The following ANK2 variants were observed in gnomAD, a reference collection of about 807,000 sequenced individuals.
ANK2 encodes ankyrin-2.
Under a neutral mutation model 360.5 loss-of-function variants are expected in ANK2, and 83 were observed. The ratio of observed to expected loss-of-function variants is 0.23; its 90% CI spans 0.19 to 0.28. The LOEUF is 0.28. ANK2 is among the 10% of genes least tolerant of loss of function. The pLI is 1.00. For synonymous variants in ANK2, 1,740 were observed against 1,759.5 expected (o/e 0.99, Z 0.28); for missense variants, 4,201 against 4,795.7 (o/e 0.88, Z 3.66).
At chr4:112,963,856 A>G (rs1429753322) in intron 2 of ANK2, among the ~76,000 whole-genome samples, 1 of 152,032 alleles carries the variant, frequency 6.6e-6, no homozygotes, top group Non-Finnish European at 1.5e-5. Context: ...ACACCAACAT[A>G]CTAAGAGAAT....
chr4:112,943,752 A>G (rs939004542), intron 2 of ANK2, among the ~76,000 whole-genome samples: 7 of 152,248 alleles, frequency 4.6e-5, no homozygotes, highest in African/African-American at 1.7e-4. Context: ...TCGAGCCTAC[A>G]TTGTTTTTCT....
the ANK2 span, among the ~76,000 whole-genome samples, chr4:112,810,831 G>A: frequency 1.3e-5 from 2 of 152,058 alleles, no homozygotes; most frequent in Non-Finnish European, 2.9e-5. Context: ...GATTATAGGC[G>A]TGAGTCACCA....
chr4:113,306,910 C>G (rs2153808610), intron 23 of ANK2, among the ~76,000 whole-genome samples: 1 of 152,302 alleles, frequency 6.6e-6, no homozygotes, highest in East Asian at 1.9e-4. Flanking sequence ...GGAATTCAGT[C>G]TAACAGAATT....
the ANK2 span, among the ~76,000 whole-genome samples, chr4:112,705,955 A>G: frequency 2.7e-5 from 4 of 150,170 alleles, no homozygotes; most frequent in African/African-American, 9.8e-5. Context: ...CGCGGGAGGG[A>G]CTTCGGCTGG....
In ANK2 at chr4:113,358,418, C is replaced by T. The variant is rs1060501156; in HGVS notation, c.9800C>T (p.Ser3267Leu). The stretch of plus-strand genomic sequence containing the variant: ...TCCACACTCACCAGGTCTGTTTATT[C>T]AGATAGGGGTGATGATTCTCCCGAT... ...DFSTLTRSVY[S>L]DRGDDSPDSS... The change falls in exon 38 of 46, where the codon TCA (serine) becomes TTA (leucine). Residue 3267 changes from serine (S) to leucine (L), a missense_variant. Around this residue, in one of 4 missense-constraint regions of ANK2, gnomAD observed 2,642 missense variants for 2,714.5 expected, o/e 0.97. Coordinates refer to ENST00000357077, the MANE Select transcript of ANK2 (RefSeq NM_001148.6). The T allele has an allele frequency of 6.2e-7, 1 of 1,614,066 alleles. No homozygotes were observed. Among genetic ancestry groups the T allele is most frequent in the Non-Finnish European group, 8.5e-7 (1 of 1,179,956 alleles).
chr4:113,356,294 C>T lies in ANK2; in HGVS notation c.7676C>T (p.Thr2559Ile). 6.2e-7 allele frequency: 1 copy of T among 1,614,118 alleles called. No individual in the cohort carries two copies. The highest frequency in any genetic ancestry group is 8.5e-7 in the Non-Finnish European group (1 of 1,180,004). The change falls in exon 38 of 46, where the codon ACA (threonine) becomes ATA (isoleucine). Residue 2559 changes from threonine (T) to isoleucine (I), a missense_variant. Transcript: ENST00000357077. ...EVTPKTTDVS[T>I]PKPAVIHECA... Reference sequence around the variant, plus strand: ...ACACCCAAAACCACAGATGTAAGTACACCAAAACCAGCTGTGATTCATGAA... The same window carrying T: ...ACACCCAAAACCACAGATGTAAGTATACCAAAACCAGCTGTGATTCATGAA...
At chr4:113,341,183 T>C (rs376916967) in intron 32 of ANK2, among the ~76,000 whole-genome samples, 2 of 152,194 alleles carry the variant, frequency 1.3e-5, no homozygotes, top group East Asian at 3.8e-4. Flanking sequence ...ACTTTGGTGA[T>C]TAGAGTTCCA....
At chr4:112,878,250 C>T (rs543901661) in intron 1 of ANK2, among the ~76,000 whole-genome samples, 3 of 152,100 alleles carry the variant, frequency 2.0e-5, no homozygotes, top group East Asian at 3.9e-4. Flanking sequence ...ATGTTCAAAA[C>T]CAAACTCATT....
At chr4:113,196,231 C>A in intron 2 of ANK2, 137 bp from the exon 3 acceptor site, 1 of 680,948 alleles carries the variant, frequency 1.5e-6, no homozygotes. Flanking sequence ...TTAATAGATT[C>A]AAGATTCTAA....
chr4:113,090,726 G>T (rs1259545862), intron 1 of ANK2, among the ~76,000 whole-genome samples: 3 of 152,178 alleles, frequency 2.0e-5, no homozygotes, highest in Non-Finnish European at 2.9e-5. Context: ...TTAAATTCTA[G>T]CTTCGTGATA....
chr4:113,243,601 T>C (rs2041215706), intron 9 of ANK2, among the ~76,000 whole-genome samples: 1 of 152,184 alleles, frequency 6.6e-6, no homozygotes, highest in South Asian at 2.1e-4. Context: ...TTTTATATGG[T>C]TTCTACTTTT....
At chr4:113,254,660 TAA>T (rs1334795025) in intron 10 of ANK2, among the ~76,000 whole-genome samples, 1 of 152,252 alleles carries the variant, frequency 6.6e-6, no homozygotes, top group Non-Finnish European at 1.5e-5. Flanking sequence ...GAATAATTTA[TAA>T]GTCACATATA....
chr4:113,166,607 G>GT (rs1337883125), intron 1 of ANK2, among the ~76,000 whole-genome samples: 2 of 151,120 alleles, frequency 1.3e-5, no homozygotes, highest in Non-Finnish European at 3.0e-5. Flanking sequence ...TGTTTTTTTG[G>GT]TTTTTTTCTT....
In ANK2 at chr4:112,855,804, T is replaced by C. The variant is rs530695421; in HGVS notation, c.-40+37540T>C. On this transcript the variant is annotated intron_variant, in intron 1 of 30. Transcript: ENST00000503271. ...GTCCATGTCTGGATATGGCTTGATG[T>C]GATGGGGCAGCGTTACCTGGAATGT... 2.6e-5 allele frequency among the ~76,000 whole-genome samples: 4 copies of C among 152,304 alleles called. No homozygotes were observed. The East Asian group carries it at 7.7e-4, about 29-fold the overall frequency.
chr4:112,960,444 G>C (rs1053756713), intron 2 of ANK2, among the ~76,000 whole-genome samples: 3 of 151,678 alleles, frequency 2.0e-5, no homozygotes, highest in African/African-American at 7.3e-5. Flanking sequence ...CATATAAAAA[G>C]TTTCTATTTC....
At chr4:113,174,321 T>A (rs1299861477) in intron 1 of ANK2, 95 bp from the exon 2 acceptor site, 1 of 1,053,454 alleles carries the variant, frequency 9.5e-7, no homozygotes, top group Non-Finnish European at 1.4e-6. Flanking sequence ...CAACTAAAGC[T>A]TTTCTGACTT....
chr4:113,073,395 TAAA>T (rs1190523125), intron 1 of ANK2, among the ~76,000 whole-genome samples: 1 of 152,004 alleles, frequency 6.6e-6, no homozygotes, highest in Non-Finnish European at 1.5e-5. Flanking sequence ...TTCTACTAAA[TAAA>T]AAAAGAACAC....
At chr4:112,895,823 A>G (rs191881690) in intron 1 of ANK2, among the ~76,000 whole-genome samples, 4 of 152,350 alleles carry the variant, frequency 2.6e-5, no homozygotes, top group African/African-American at 9.6e-5. Flanking sequence ...ATCAGAACAA[A>G]AGCAGCTCAA....
Position 113,158,501 on chromosome 4 carries a change from G to GA in ANK2, c.85-15906dup, listed in dbSNP as rs201376958. ...AATATATCCTATGATTATCATATGT[G>GA]AAAAAAAAATAAACCAAATCAAAGT... On this transcript the variant is annotated intron_variant, in intron 1 of 45. Coordinates refer to ENST00000357077, the MANE Select transcript of ANK2 (RefSeq NM_001148.6). 7.7e-3 allele frequency among the ~76,000 whole-genome samples: 1,156 copies of GA among 149,696 alleles called. 11 individuals carry two copies. The highest frequency in any genetic ancestry group is 0.013 in the African/African-American group (538 of 40,742).
Sources: allele counts gnomAD v4.1 joint callset (sites outside exome capture counted in the v4.1 genomes callset), GRCh38; gene constraint gnomAD v4.1.1; regional missense constraint gnomAD v4.1.1; transcripts MANE v1.5; gene names NCBI Gene and HGNC (gene_info 2026-07-23, HGNC 2026-07-21).